TSR2: variants seen among roughly 807,000 people sequenced by gnomAD.
The protein encoded by TSR2 is pre-rRNA-processing protein TSR2 homolog.
TSR2 carries 1 observed loss-of-function variant against 13.3 expected under a neutral mutation model. The ratio of observed to expected loss-of-function variants is 0.08; its 90% CI spans 0.03 to 0.36. The LOEUF (loss-of-function observed/expected upper bound fraction) is 0.36. Among genes scored for constraint, TSR2 ranks in the 10% least tolerant of loss-of-function variants. The pLI is 0.99. For synonymous variants in TSR2, 60 were observed against 57.7 expected (o/e 1.04, Z -0.18); for missense variants, 120 against 151.1 (o/e 0.79, Z 1.08).
At position 54,445,500 on chromosome X, in the gene TSR2, A is replaced by C. The variant is rs1278690404; in HGVS notation, c.*950A>C. 2 of 108,781 alleles carry C rather than the reference A, an allele frequency of 1.8e-5. No individual in the cohort carries two copies. Among genetic ancestry groups the C allele is most frequent in the African/African-American group, 6.9e-5 (2 of 29,181 alleles). The allele number at this position is 108,781 out of a possible 1,213,427, so 9.0% of individuals were successfully genotyped here. On this transcript the variant is annotated 3_prime_UTR_variant, in exon 5 of 5. Coordinates refer to ENST00000375151, the MANE Select transcript of TSR2 (RefSeq NM_058163.3). ...CTGTATTTTTCTTAAAAAAAAAAAA[A>C]CACACAAAAAAACACAAAAAACTGA...
Position 54,444,149 on chromosome X carries a change from G to T in TSR2, c.406G>T (p.Asp136Tyr). The change falls in exon 4 of 5, where the codon GAT becomes TAT. Residue 136 changes from aspartate to tyrosine, a missense_variant. Coordinates refer to ENST00000375151, the MANE Select transcript of TSR2 (RefSeq NM_058163.3). Reference protein sequence around the residue: ...ALKTARETDEDEDDVDSVEEM... With the variant: ...ALKTARETDEYEDDVDSVEEM... ...TAAGACAGCTAGAGAGACTGATGAG[G>T]ATGAAGATGATGTGGACAGTGTGGA... 1 of 1,211,523 alleles carries T rather than the reference G, an allele frequency of 8.3e-7. No individual in the cohort carries two copies. Among genetic ancestry groups the T allele is most frequent in the Admixed American group, 2.2e-5 (1 of 45,978 alleles).
rs779485983 is a variant in TSR2 at position 54,443,396 on chromosome X, T to G, written c.173-4T>G. The G allele has an allele frequency of 4.2e-6, 5 of 1,201,745 alleles. No individual in the cohort carries two copies. The African/African-American group carries it at 8.8e-5, about 21-fold the overall frequency. On this transcript the variant is annotated splice_region_variant and splice_polypyrimidine_tract_variant and intron_variant, in intron 2 of 4. Coordinates refer to ENST00000375151, the MANE Select transcript of TSR2 (RefSeq NM_058163.3). Reference sequence around the variant, plus strand: ...ACCCAAGGGCCCTGTCCTTTTCTACTTAGCTGACTTGGAGCTAGATGAGGT... The same window carrying G: ...ACCCAAGGGCCCTGTCCTTTTCTACGTAGCTGACTTGGAGCTAGATGAGGT...
chrX:54,446,403 G>C lies in TSR2; in HGVS notation c.*1853G>C, dbSNP rs901534905. 6.6e-6 allele frequency: 8 copies of C among 1,208,081 alleles called. No individual in the cohort carries two copies. The highest frequency in any genetic ancestry group is 5.9e-5 in the East Asian group (2 of 33,708). Reference sequence around the variant, plus strand: ...AGCCAATGAGGGGCAGGCTGCGCTGGGCTTTCACATCCTGGCGGGAGGAGG... The same window carrying C: ...AGCCAATGAGGGGCAGGCTGCGCTGCGCTTTCACATCCTGGCGGGAGGAGG... On this transcript the variant is annotated 3_prime_UTR_variant, in exon 5 of 5. Coordinates refer to ENST00000375151, the MANE Select transcript of TSR2 (RefSeq NM_058163.3).
chrX:54,447,888 T>A lies in TSR2; in HGVS notation c.*3338T>A, dbSNP rs909120994. Among the ~76,000 whole-genome samples the A allele has an allele frequency of 1.2e-4, 14 of 112,021 alleles. No individual in the cohort carries two copies. The highest frequency in any genetic ancestry group is 4.5e-4 in the African/African-American group (14 of 30,824). On this transcript the variant is annotated 3_prime_UTR_variant, in exon 5 of 5. Transcript: ENST00000375151. The stretch of plus-strand genomic sequence containing the variant: ...TCTGGCTTAGAATCCCAGCTCTAGA[T>A]GAAAATGTATTGACTTGGAGAGCAA...
At position 54,445,590 on chromosome X, in the gene TSR2, T is replaced by C. The variant is rs1346450183; in HGVS notation, c.*1040T>C. 1 of 116,198 alleles carries C rather than the reference T, an allele frequency of 8.6e-6. No individual in the cohort carries two copies. The highest frequency in any genetic ancestry group is 1.8e-5 in the Non-Finnish European group (1 of 55,402). 9.6% of individuals were successfully genotyped at this position (116,198 alleles called of 1,213,427 possible). On this transcript the variant is annotated 3_prime_UTR_variant, in exon 5 of 5. Coordinates refer to ENST00000375151, the MANE Select transcript of TSR2 (RefSeq NM_058163.3). ...CTGGCCCTGCCATGGGTCTGGACGA[T>C]AAAATACTGGGTAGCCTTGGGGCCG...
At position 54,446,344 on chromosome X, in the gene TSR2, G is replaced by C. The variant is rs1355130799; in HGVS notation, c.*1794G>C. The C allele has an allele frequency of 8.3e-7, 1 of 1,211,148 alleles. No individual in the cohort carries two copies. Among genetic ancestry groups the C allele is most frequent in the Admixed American group, 2.2e-5 (1 of 46,032 alleles). ...GATCTTGAAGACATGCCTTCTGTCA[G>C]GCCGCTCCCCTGCCTCGGGCGGTCC... On this transcript the variant is annotated 3_prime_UTR_variant, in exon 5 of 5. Transcript: ENST00000375151.
intron 2 of TSR2, among the ~76,000 whole-genome samples, chrX:54,441,432 G>T (rs1203936263): frequency 9.0e-6 from 1 of 111,698 alleles, no homozygotes. Flanking sequence ...TCTAGCTTTG[G>T]AGATGACATT....
intron 1 of TSR2, 36 bp downstream of exon 1, chrX:54,440,538 AG>A: frequency 8.8e-7 from 1 of 1,140,193 alleles, no homozygotes. Context: ...GGTCAAGGTT[AG>A]GGCCCGGGGC....
Position 54,445,645 on chromosome X carries a change from G to A in TSR2, c.*1095G>A, listed in dbSNP as rs1318722520. ...GAAGCTGTAAGCCATGGGAGAGGCA[G>A]GAGAGGTCTAGTTGCCACCCCACGT... is the stretch of plus-strand genomic sequence containing the variant. On this transcript the variant is annotated 3_prime_UTR_variant, in exon 5 of 5. Transcript: ENST00000375151. The A allele has an allele frequency of 8.2e-6, 1 of 121,423 alleles. No homozygotes were observed. Among genetic ancestry groups the A allele is most frequent in the African/African-American group, 3.2e-5 (1 of 30,839 alleles). The allele number at this position is 121,423 out of a possible 1,213,427, so 10.0% of individuals were successfully genotyped here.
Position 54,447,468 on chromosome X carries a change from C to A in TSR2, c.*2918C>A. The stretch of plus-strand genomic sequence containing the variant: ...TGAGGCCTGTTTCTGTGGCCAGAGA[C>A]ACCGGGCATCAATGTTGACAGAAGG... On this transcript the variant is annotated 3_prime_UTR_variant, in exon 5 of 5. Transcript: ENST00000375151. 1 of 1,206,557 alleles carries A rather than the reference C, an allele frequency of 8.3e-7. No individual in the cohort carries two copies.
chrX:54,446,426 A>AG lies in TSR2; in HGVS notation c.*1879dup. The AG allele has an allele frequency of 8.3e-7, 1 of 1,204,332 alleles. No homozygotes were observed. The highest frequency in any genetic ancestry group is 1.1e-6 in the Non-Finnish European group (1 of 891,441). ...TGGGCTTTCACATCCTGGCGGGAGGAGGGACAGAGCTGGGGCCACCTTGGG... is the reference window on the plus strand; with the variant it reads ...TGGGCTTTCACATCCTGGCGGGAGGAGGGGACAGAGCTGGGGCCACCTTGGG... On this transcript the variant is annotated 3_prime_UTR_variant, in exon 5 of 5. Transcript: ENST00000375151.
At chrX:54,443,791 C>A (rs1922016237) in intron 3 of TSR2, among the ~76,000 whole-genome samples, 1 of 111,812 alleles carries the variant, frequency 8.9e-6, no homozygotes, top group Non-Finnish European at 1.9e-5. Flanking sequence ...AAGCCCAGTT[C>A]TAGAGGATTC....
rs896560926 is a variant in TSR2 at position 54,445,423 on chromosome X, G to A, written c.*873G>A. ...TGGTACTTTGGACAACCAAACAGAT[G>A]AACGAACGGAGCACAGCAGTGCTAT... On this transcript the variant is annotated 3_prime_UTR_variant, in exon 5 of 5. Coordinates refer to ENST00000375151, the MANE Select transcript of TSR2 (RefSeq NM_058163.3). The A allele has an allele frequency of 9.1e-6, 1 of 109,913 alleles. No homozygotes were observed. Among genetic ancestry groups the A allele is most frequent in the Non-Finnish European group, 1.9e-5 (1 of 52,743 alleles). 9.1% of individuals were successfully genotyped at this position (109,913 alleles called of 1,213,427 possible). A position where few individuals can be genotyped will look rare whatever the true frequency, so the allele number is the denominator to read the frequency against.
At position 54,446,203 on chromosome X, in the gene TSR2, AGT is replaced by A; in HGVS notation, c.*1657_*1658del. On this transcript the variant is annotated 3_prime_UTR_variant, in exon 5 of 5. Coordinates refer to ENST00000375151, the MANE Select transcript of TSR2 (RefSeq NM_058163.3). Reference sequence around the variant, plus strand: ...CTCCTCCATCTCCCTGTCCTCAGACAGTGTGGGCCCCGGGCAGAACGTGTCCC... The same window carrying A: ...CTCCTCCATCTCCCTGTCCTCAGACAGTGGGCCCCGGGCAGAACGTGTCCC... 1 of 1,211,793 alleles carries A rather than the reference AGT, an allele frequency of 8.3e-7. No individual in the cohort carries two copies. Among genetic ancestry groups the A allele is most frequent in the Non-Finnish European group, 1.1e-6 (1 of 895,386 alleles).
At position 54,446,537 on chromosome X, in the gene TSR2, G is replaced by A; in HGVS notation, c.*1987G>A. 6.3e-6 allele frequency: 4 copies of A among 630,661 alleles called. 1 individual carries two copies. The highest frequency in any genetic ancestry group is 9.7e-6 in the Non-Finnish European group (4 of 412,657). The allele number at this position is 630,661 out of a possible 1,213,427, so 52.0% of individuals were successfully genotyped here. On this transcript the variant is annotated 3_prime_UTR_variant, in exon 5 of 5. Coordinates refer to ENST00000375151, the MANE Select transcript of TSR2 (RefSeq NM_058163.3). Reference sequence around the variant, plus strand: ...CCTACTCAGGAACTCCCCTACTCAGGAACCTTCCGTGGCTCCAGTGTTATC... The same window carrying A: ...CCTACTCAGGAACTCCCCTACTCAGAAACCTTCCGTGGCTCCAGTGTTATC...
chrX:54,447,554 C>T lies in TSR2; in HGVS notation c.*3004C>T, dbSNP rs1922254001. 2.3e-6 allele frequency: 2 copies of T among 886,837 alleles called. No individual in the cohort carries two copies. The highest frequency in any genetic ancestry group is 3.9e-5 in the African/African-American group (2 of 51,137). 73.1% of individuals were successfully genotyped at this position (886,837 alleles called of 1,213,427 possible). On this transcript the variant is annotated 3_prime_UTR_variant, in exon 5 of 5. Transcript: ENST00000375151. Reference sequence around the variant, plus strand: ...AGTGTAGGGACTGCTATTCCTATCTCAGATGAAGACGCTCAAGCTCAGGTG... The same window carrying T: ...AGTGTAGGGACTGCTATTCCTATCTTAGATGAAGACGCTCAAGCTCAGGTG...
In TSR2 at chrX:54,445,885, A is replaced by G; in HGVS notation, c.*1335A>G. On this transcript the variant is annotated 3_prime_UTR_variant, in exon 5 of 5. Transcript: ENST00000375151. ...GCAACGGCTCCCACCCTCCCTGGGG[A>G]CAGGGATTAATAAAAATTGACATCA... The G allele has an allele frequency of 2.5e-6, 1 of 405,519 alleles. No individual in the cohort carries two copies. Among genetic ancestry groups the G allele is most frequent in the Non-Finnish European group, 4.3e-6 (1 of 234,851 alleles). 33.4% of individuals were successfully genotyped at this position (405,519 alleles called of 1,213,427 possible).
At position 54,444,506 on chromosome X, in the gene TSR2, G is replaced by T; in HGVS notation, c.532G>T (p.Asp178Tyr). 8.3e-7 allele frequency: 1 copy of T among 1,211,371 alleles called. No individual in the cohort carries two copies. Among genetic ancestry groups the T allele is most frequent in the Non-Finnish European group, 1.1e-6 (1 of 895,210 alleles). The part of the protein sequence containing the change: ...DPDAQTIKEE[D>Y]IVEDGWTIVR... Reference sequence around the variant, plus strand: ...AGACGCTCAGACTATTAAGGAAGAGGATATAGTGGAAGATGGCTGGACCAT... The same window carrying T: ...AGACGCTCAGACTATTAAGGAAGAGTATATAGTGGAAGATGGCTGGACCAT... The change falls in exon 5 of 5, where the codon GAT (aspartate) becomes TAT (tyrosine). Residue 178 changes from aspartate (D) to tyrosine (Y), a missense_variant. This residue lies in a region of TSR2 where 55 missense variants were observed against 61.3 expected (regional missense o/e 0.90). Coordinates refer to ENST00000375151, the MANE Select transcript of TSR2 (RefSeq NM_058163.3).
chrX:54,443,461 T>C lies in TSR2; in HGVS notation c.234T>C (p.Asp78=), dbSNP rs36032873. Residue 78 remains aspartate (D), a synonymous_variant, in exon 3 of 5, where the codon GAT becomes GAC. Coordinates refer to ENST00000375151, the MANE Select transcript of TSR2 (RefSeq NM_058163.3). Reference sequence around the variant, plus strand: ...GAGAGCTGTTGACCAACGAGTTTGATACAGTTGTGGAAGACGGGAGTCTGC... The same window carrying C: ...GAGAGCTGTTGACCAACGAGTTTGACACAGTTGTGGAAGACGGGAGTCTGC... The part of the protein sequence containing the change: ...FLGELLTNEF[D]TVVEDGSLPQ... The C allele has an allele frequency of 4.3e-3, 5,234 of 1,205,507 alleles. 15 individuals carry two copies. The highest frequency in any genetic ancestry group is 0.027 in the Middle Eastern group (119 of 4,338).
Sources: gnomAD v4.1 joint callset for allele counts (sites outside exome capture counted in the v4.1 genomes callset) on GRCh38, gnomAD v4.1.1 for gene constraint, gnomAD v4.1.1 regional missense constraint, MANE v1.5 for transcripts, NCBI Gene and HGNC (gene_info 2026-07-23, HGNC 2026-07-21) for gene names.